Variants in SLC24A2 observed in about 807,000 individuals in gnomAD.
SLC24A2 encodes the protein solute carrier family 24 member 2.
SLC24A2 carries 36 observed loss-of-function variants against 62.0 expected under a neutral mutation model. That is an observed-to-expected ratio of 0.58 (90% CI 0.44 to 0.77). The LOEUF (loss-of-function observed/expected upper bound fraction) is 0.77, where lower values mean the gene tolerates loss of function less well. SLC24A2 is among the 30% of genes least tolerant of loss of function. SLC24A2 has a pLI of 0.00. For missense variants in SLC24A2, 846 were observed against 817.9 expected (o/e 1.03, Z -0.42); for synonymous variants, 358 against 294.0 (o/e 1.22, Z -2.23).
chr9:19,881,095 C>A, the SLC24A2 span, among the ~76,000 whole-genome samples: 3 of 152,108 alleles, frequency 2.0e-5, no homozygotes, highest in African/African-American at 7.2e-5. Flanking sequence ...TAGAACTAGG[C>A]ACAAAGTAGG....
At chr9:19,582,570 A>G (rs1586994303) in intron 5 of SLC24A2, among the ~76,000 whole-genome samples, 1 of 152,202 alleles carries the variant, frequency 6.6e-6, no homozygotes, top group African/African-American at 2.4e-5. Context: ...CAGCCTTTTA[A>G]AATCTATTTT....
intron 5 of SLC24A2, among the ~76,000 whole-genome samples, chr9:19,592,256 T>C (rs1164878151): frequency 6.6e-6 from 1 of 152,218 alleles, no homozygotes. Flanking sequence ...CTTAATTTAA[T>C]TATGGAAAAG....
chr9:20,223,300 T>C, the SLC24A2 span, among the ~76,000 whole-genome samples: 16 of 152,264 alleles, frequency 1.1e-4, no homozygotes, highest in South Asian at 4.1e-4. Context: ...AGATCCAATA[T>C]CATAAAGATA....
chr9:20,307,415 A>T, the SLC24A2 span, among the ~76,000 whole-genome samples: 1 of 152,220 alleles, frequency 6.6e-6, no homozygotes, highest in Admixed American at 6.5e-5. Context: ...GTCCTCCTGA[A>T]AACCAATTCC....
At position 19,513,963 on chromosome 9, in the gene SLC24A2, G is replaced by A. The variant is rs908161315; in HGVS notation, c.*2190C>T. ...CCCATTAGGTGGCAGGTTCCACTCA[G>A]CGCCTCTATTGGATGGTGTTTCAAT... On this transcript the variant is annotated 3_prime_UTR_variant, in exon 11 of 11. Coordinates refer to ENST00000341998, the MANE Select transcript of SLC24A2 (RefSeq NM_020344.4). The A allele has an allele frequency of 1.3e-5, 2 of 152,210 alleles. No homozygotes were observed. The highest frequency in any genetic ancestry group is 2.9e-5 in the Non-Finnish European group (2 of 68,048). 9.4% of individuals were successfully genotyped at this position (152,210 alleles called of 1,614,324 possible).
the SLC24A2 span, among the ~76,000 whole-genome samples, chr9:19,810,967 T>TA: frequency 7.0e-6 from 1 of 142,316 alleles, no homozygotes; most frequent in African/African-American, 2.6e-5. Context: ...TTCTTCTTCT[T>TA]ATTCTCTCCA....
the SLC24A2 span, among the ~76,000 whole-genome samples, chr9:19,999,330 C>T: frequency 6.6e-6 from 1 of 152,088 alleles, no homozygotes; most frequent in Non-Finnish European, 1.5e-5. Flanking sequence ...ATTGGGTGTC[C>T]TTGGGCCTGA....
intron 7 of SLC24A2, among the ~76,000 whole-genome samples, chr9:19,567,122 A>ATTTTTTTTAT (rs1835685815): frequency 1.3e-5 from 2 of 150,900 alleles, no homozygotes; most frequent in African/African-American, 4.8e-5. Context: ...AAAAATATAT[A>ATTTTTTTTAT]TATAAAAGAA....
At chr9:19,620,222 A>G (rs769871651) in intron 3 of SLC24A2, among the ~76,000 whole-genome samples, 2 of 152,200 alleles carry the variant, frequency 1.3e-5, no homozygotes, top group Non-Finnish European at 2.9e-5. Context: ...CCATATCTGC[A>G]TAGATACACA....
chr9:20,240,120 G>T, the SLC24A2 span, among the ~76,000 whole-genome samples: 1 of 152,114 alleles, frequency 6.6e-6, no homozygotes, highest in Admixed American at 6.5e-5. Flanking sequence ...CATGTCTCTG[G>T]GGCCTGGTGG....
chr9:20,124,251 A>G, the SLC24A2 span, among the ~76,000 whole-genome samples: 2 of 152,086 alleles, frequency 1.3e-5, no homozygotes, highest in African/African-American at 4.8e-5. Flanking sequence ...GTTTGATTAT[A>G]GTAGGAAAGG....
the SLC24A2 span, among the ~76,000 whole-genome samples, chr9:20,250,972 A>G: frequency 1.3e-5 from 2 of 152,198 alleles, no homozygotes; most frequent in African/African-American, 4.8e-5. Context: ...ACTGAGATGC[A>G]TTTAGATGAG....
intron 3 of SLC24A2, 102 bp from the exon 4 acceptor site, chr9:19,619,794 A>C (rs567196770): frequency 1.2e-6 from 1 of 862,574 alleles, no homozygotes; most frequent in East Asian, 2.5e-5. Flanking sequence ...TTTCTGTCGC[A>C]TGATCACACA....
chr9:19,529,350 T>C (rs917747339), intron 8 of SLC24A2, among the ~76,000 whole-genome samples: 3 of 152,230 alleles, frequency 2.0e-5, no homozygotes, highest in African/African-American at 4.8e-5. Flanking sequence ...TGGTAATCTT[T>C]TGAATATCAA....
At chr9:19,738,868 C>T (rs564137537) in intron 2 of SLC24A2, among the ~76,000 whole-genome samples, 1 of 152,260 alleles carries the variant, frequency 6.6e-6, no homozygotes, top group African/African-American at 2.4e-5. Flanking sequence ...CCTGTGATCC[C>T]AGCACTTTGG....
At chr9:19,833,040 G>C in the SLC24A2 span, among the ~76,000 whole-genome samples, 6 of 152,130 alleles carry the variant, frequency 3.9e-5, no homozygotes, top group Non-Finnish European at 7.3e-5. Context: ...ACCACAATGA[G>C]ATACCATCTC....
chr9:19,789,442 G>A (rs1027786777), upstream of SLC24A2, among the ~76,000 whole-genome samples: 18 of 152,234 alleles, frequency 1.2e-4, no homozygotes, highest in African/African-American at 3.4e-4. Flanking sequence ...TCAATGAAAA[G>A]GCACGGAGGC....
chr9:20,068,141 G>A, the SLC24A2 span, among the ~76,000 whole-genome samples: 1 of 136,950 alleles, frequency 7.3e-6, no homozygotes, highest in African/African-American at 2.8e-5. Context: ...TTGGCTCACT[G>A]CAGCCTCCGC....
At chr9:19,651,723 T>C (rs1587099307) in intron 2 of SLC24A2, among the ~76,000 whole-genome samples, 1 of 152,144 alleles carries the variant, frequency 6.6e-6, no homozygotes, top group Admixed American at 6.5e-5. Flanking sequence ...ATTTTGCAGA[T>C]GAGGAGGTTT....
Sources: gnomAD v4.1 joint callset for allele counts (sites outside exome capture counted in the v4.1 genomes callset) on GRCh38, gnomAD v4.1.1 for gene constraint, MANE v1.5 for transcripts, NCBI Gene and HGNC (gene_info 2026-07-23, HGNC 2026-07-21) for gene names.